The following AGO4 variants were observed in gnomAD, a reference collection of about 807,000 sequenced individuals.
AGO4 encodes argonaute RISC component 4.
In AGO4, 33 loss-of-function variants were observed where a neutral mutation model predicts 104.7. The ratio of observed to expected loss-of-function variants is 0.32; its 90% CI spans 0.24 to 0.42. AGO4 has a LOEUF of 0.42. Ranked by LOEUF, AGO4 falls within the 10% of genes least tolerant of loss-of-function variation. AGO4 has a pLI of 1.00. For missense variants in AGO4, 711 were observed against 1,083.4 expected (o/e 0.66, Z 4.83); for synonymous variants, 331 against 364.7 (o/e 0.91, Z 1.05).
In AGO4 at chr1:35,853,852, A is replaced by C; in HGVS notation, c.*247A>C. On this transcript the variant is annotated 3_prime_UTR_variant, in exon 18 of 18. Transcript: ENST00000373210. Reference sequence around the variant, plus strand: ...TGCACTGGACTGAATTTTTACCTCAATGTGCAAAGGCTGATCAGCCTGAAC... The same window carrying C: ...TGCACTGGACTGAATTTTTACCTCACTGTGCAAAGGCTGATCAGCCTGAAC... 2 of 336,592 alleles carry C rather than the reference A, an allele frequency of 5.9e-6. No homozygotes were observed. Among genetic ancestry groups the C allele is most frequent in the Non-Finnish European group, 5.5e-6 (1 of 181,876 alleles). The allele number at this position is 336,592 out of a possible 1,614,324, so 20.9% of individuals were successfully genotyped here.
chr1:35,834,861 A>G (rs1332511315), intron 12 of AGO4, among the ~76,000 whole-genome samples: 1 of 151,850 alleles, frequency 6.6e-6, no homozygotes, highest in African/African-American at 2.4e-5. Context: ...ACGCCCAGCT[A>G]ATTTTTGTAT....
chr1:35,831,308 C>A, intron 7 of AGO4, 119 bp from the exon 8 acceptor site: 1 of 1,075,392 alleles, frequency 9.3e-7, no homozygotes, highest in Non-Finnish European at 1.3e-6. Context: ...GTTGAGATCA[C>A]GCCATGCACT....
chr1:35,810,814 C>G (rs2148644975), intron 1 of AGO4, among the ~76,000 whole-genome samples: 1 of 152,248 alleles, frequency 6.6e-6, no homozygotes, highest in African/African-American at 2.4e-5. Flanking sequence ...ATGCAGTTAT[C>G]TGACTTTGTC....
intron 7 of AGO4, among the ~76,000 whole-genome samples, chr1:35,829,183 C>T (rs1052458159): frequency 2.0e-5 from 3 of 151,836 alleles, no homozygotes; most frequent in Non-Finnish European, 4.4e-5. Context: ...AAATAAAGTG[C>T]ATTATTTCAG....
chr1:35,822,868 A>C lies in AGO4; in HGVS notation c.192A>C (p.Val64=). ...TATCTCCATTACTGTGAAGGGAGGT[A>C]GTAGATACAATGGTGCGGCACTTCA... ...EKRPRRVNRE[V]VDTMVRHFKM... is the part of the protein sequence containing the mutation. Residue 64 remains valine (V), a synonymous_variant, in exon 3 of 18, where the codon GTA becomes GTC. Transcript: ENST00000373210. The C allele has an allele frequency of 6.2e-7, 1 of 1,614,066 alleles. No individual in the cohort carries two copies. Among genetic ancestry groups the C allele is most frequent in the Non-Finnish European group, 8.5e-7 (1 of 1,179,950 alleles).
At position 35,841,817 on chromosome 1, in the gene AGO4, T is replaced by C. The variant is rs978772906; in HGVS notation, c.2175+67T>C. On this transcript the variant is annotated intron_variant, in intron 15 of 17. Transcript: ENST00000373210. This position sits in a 1 kb window ranked among gnomAD's most constrained non-coding sequence, Gnocchi z 4.7. ...CAAGAGATGTATATATGCACATATA[T>C]ATATATATATATATATATATACACC... The C allele has an allele frequency of 2.9e-5, 16 of 548,816 alleles. No homozygotes were observed. Among genetic ancestry groups the C allele is most frequent in the Middle Eastern group, 7.0e-4 (1 of 1,436 alleles). 34.0% of individuals were successfully genotyped at this position (548,816 alleles called of 1,614,324 possible). A position where few individuals can be genotyped will look rare whatever the true frequency, so the allele number is the denominator to read the frequency against.
In AGO4 at chr1:35,822,902, A is replaced by G. The variant is rs1249694489; in HGVS notation, c.226A>G (p.Ile76Val). The G allele has an allele frequency of 6.2e-7, 1 of 1,614,110 alleles. No individual in the cohort carries two copies. Residue 76 changes from isoleucine to valine, a missense_variant, in exon 3 of 18, where the codon ATA becomes GTA. By Grantham distance (29) the Ile-to-Val change is conservative. This residue lies in a region of AGO4 where 308 missense variants were observed against 397.8 expected (regional missense o/e 0.77). Coordinates refer to ENST00000373210, the MANE Select transcript of AGO4 (RefSeq NM_017629.4). ...AATGGTGCGGCACTTCAAGATGCAA[A>G]TATTTGGTGATCGGCAGCCTGGGTA... ...DTMVRHFKMQ[I>V]FGDRQPGYDG...
chr1:35,851,081 C>G, intron 17 of AGO4, 28 bp downstream of exon 17: 2 of 1,564,402 alleles, frequency 1.3e-6, no homozygotes, highest in Non-Finnish European at 1.7e-6. Flanking sequence ...AATAAAGTCT[C>G]TTTATATTTT....
In AGO4 at chr1:35,853,584, G is replaced by A. The variant is rs1260578781; in HGVS notation, c.2565G>A (p.Gln855=). The change falls in exon 18 of 18, where the codon CAG becomes CAA. Residue 855 remains glutamine (Q), a synonymous_variant. Coordinates refer to ENST00000373210, the MANE Select transcript of AGO4 (RefSeq NM_017629.4). ...CTGTGCAAATCCACCATGATACCCA[G>A]CACACGATGTATTTTGCCTGAGAGT... ...AKAVQIHHDT[Q]HTMYFA is the part of the protein sequence containing the mutation. 1 of 1,613,910 alleles carries A rather than the reference G, an allele frequency of 6.2e-7. No individual in the cohort carries two copies. The highest frequency in any genetic ancestry group is 8.5e-7 in the Non-Finnish European group (1 of 1,179,934).
rs536682322 is a variant in AGO4, at chr1:35,853,569, C to T, written c.2550C>T (p.Ile850=). ...AGGCCTTGGCTAAGGCTGTGCAAAT[C>T]CACCATGATACCCAGCACACGATGT... ...DPQALAKAVQ[I]HHDTQHTMYF... The change falls in exon 18 of 18, where the codon ATC becomes ATT. Residue 850 remains isoleucine, a synonymous_variant. Transcript: ENST00000373210. 2 of 1,614,014 alleles carry T rather than the reference C, an allele frequency of 1.2e-6. No individual in the cohort carries two copies. The highest frequency in any genetic ancestry group is 2.2e-5 in the South Asian group (2 of 91,068).
chr1:35,840,493 T>C (rs1243735279), intron 13 of AGO4, among the ~76,000 whole-genome samples: 1 of 151,252 alleles, frequency 6.6e-6, no homozygotes, highest in Non-Finnish European at 1.5e-5. Flanking sequence ...GAAACAGGGT[T>C]TCACCGTGTT....
At chr1:35,827,314 G>A (rs1477161870) in intron 7 of AGO4, among the ~76,000 whole-genome samples, 22 of 152,130 alleles carry the variant, frequency 1.4e-4, no homozygotes, top group East Asian at 5.8e-4. Context: ...GAAGTCAGGC[G>A]TTCGAGACCA....
At chr1:35,838,050 T>C (rs1372625694) in intron 13 of AGO4, among the ~76,000 whole-genome samples, 4 of 150,176 alleles carry the variant, frequency 2.7e-5, no homozygotes, top group Non-Finnish European at 5.9e-5. Context: ...GCCTGCCTAT[T>C]TATTTATTTA....
rs1571258577 is a variant in AGO4 at position 35,816,889 on chromosome 1, G to A, written c.27G>A (p.Pro9=). ...GTCTTTCAATCTCTTTAGGACCTCC[G>A]GCTAGCCTGTTTCAGCCACCTCGTC... is the stretch of plus-strand genomic sequence containing the variant. MEALGPGP[P]ASLFQPPRRP... The change falls in exon 2 of 18, where the codon CCG becomes CCA. Residue 9 remains proline, a synonymous_variant. Transcript: ENST00000373210. 4 of 1,611,510 alleles carry A rather than the reference G, an allele frequency of 2.5e-6. No individual in the cohort carries two copies. The highest frequency in any genetic ancestry group is 3.4e-6 in the Non-Finnish European group (4 of 1,178,826).
intron 7 of AGO4, among the ~76,000 whole-genome samples, 170 bp downstream of exon 7, chr1:35,827,005 G>C (rs530116705): frequency 3.7e-4 from 57 of 152,008 alleles, no homozygotes; most frequent in Non-Finnish European, 6.8e-4. Context: ...TTCAAGACCA[G>C]CCTGGCCAAG....
Position 35,836,651 on chromosome 1 carries a change from C to T in AGO4, c.1724+658C>T, listed in dbSNP as rs765771115. Among the ~76,000 whole-genome samples, 201 of 152,042 alleles carry T rather than the reference C, an allele frequency of 1.3e-3. 2 individuals are homozygous for T. Among genetic ancestry groups the T allele is most frequent in the Non-Finnish European group, 2.1e-3 (140 of 67,958 alleles). On this transcript the variant is annotated intron_variant, in intron 13 of 17. Coordinates refer to ENST00000373210, the MANE Select transcript of AGO4 (RefSeq NM_017629.4). ...GTCTCAATCTCCTGACCTTGTGATCCGCCCGTCTCGGCCTCCCAAAGTGCT... is the reference window on the plus strand; with the variant it reads ...GTCTCAATCTCCTGACCTTGTGATCTGCCCGTCTCGGCCTCCCAAAGTGCT...
At chr1:35,831,111 C>G (rs1644173603) in intron 7 of AGO4, among the ~76,000 whole-genome samples, 1 of 151,950 alleles carries the variant, frequency 6.6e-6, no homozygotes, top group Admixed American at 6.6e-5. Context: ...CCTGTAATCC[C>G]AGCACTTTGG....
chr1:35,847,916 A>G (rs1644611518), intron 15 of AGO4, among the ~76,000 whole-genome samples: 1 of 152,108 alleles, frequency 6.6e-6, no homozygotes, highest in Non-Finnish European at 1.5e-5. Context: ...ATTCTTATAC[A>G]AATAATGTGC....
At chr1:35,826,908 A>G (rs1357822480) in intron 7 of AGO4, 73 bp downstream of exon 7, 2 of 1,517,056 alleles carry the variant, frequency 1.3e-6, no homozygotes, top group Non-Finnish European at 1.8e-6. Context: ...TTGTTTTAAG[A>G]AATTGGTTAT....
Sources: allele counts gnomAD v4.1 joint callset (sites outside exome capture counted in the v4.1 genomes callset), GRCh38; gene constraint gnomAD v4.1.1; regional missense constraint gnomAD v4.1.1; non-coding constraint Gnocchi (gnomAD v3.1); transcripts MANE v1.5; gene names NCBI Gene and HGNC (gene_info 2026-07-23, HGNC 2026-07-21).